DENND4C: variants seen among roughly 807,000 people sequenced by gnomAD.
The protein encoded by DENND4C is DENN domain-containing protein 4C.
In DENND4C, 108 loss-of-function variants were observed where a neutral mutation model predicts 203.0. The observed-to-expected ratio is 0.53, with a 90% CI of 0.46 to 0.62. The LOEUF (loss-of-function observed/expected upper bound fraction) is 0.62, where lower values mean the gene tolerates loss of function less well. Among genes scored for constraint, DENND4C ranks in the 20% least tolerant of loss-of-function variants. The probability of loss-of-function intolerance (pLI) is 0.00; values close to 1 mark genes in which losing one functional copy is unlikely to be tolerated. For synonymous variants in DENND4C, 871 were observed against 792.4 expected, an observed-to-expected ratio of 1.10 and a Z score of -1.67; for missense variants, 2,481 against 2,301.2, an observed-to-expected ratio of 1.08 and a Z score of -1.60.
chr9:19,362,137 G>T (rs1826628138), intron 30 of DENND4C, among the ~76,000 whole-genome samples, 174 bp downstream of exon 30: 1 of 152,052 alleles, frequency 6.6e-6, no homozygotes, highest in South Asian at 2.1e-4. Flanking sequence ...AGCCAGGTGT[G>T]GTAGCAGGTG....
At chr9:19,326,893 G>A (rs145930487) in intron 15 of DENND4C, among the ~76,000 whole-genome samples, 306 of 152,106 alleles carry the variant, frequency 2.0e-3, no homozygotes, top group African/African-American at 6.9e-3. Flanking sequence ...TGACCACATT[G>A]TATGCATTTA....
At chr9:19,342,859 T>C (rs1821960554) in intron 22 of DENND4C, 80 bp downstream of exon 22, 2 of 1,218,840 alleles carry the variant, frequency 1.6e-6, no homozygotes, top group South Asian at 5.3e-5. Flanking sequence ...ACATTAAATT[T>C]TTGACTTAAT....
At position 19,374,038 on chromosome 9, in the gene DENND4C, C is replaced by T. The variant is rs1340886935; in HGVS notation, c.*1865C>T. 1.3e-5 allele frequency among the ~76,000 whole-genome samples: 2 copies of T among 152,116 alleles called. No homozygotes were observed. Among genetic ancestry groups the T allele is most frequent in the African/African-American group, 2.4e-5 (1 of 41,430 alleles). Reference sequence around the variant, plus strand: ...TATTTTTGCAACTCAAGACTTGGTACTAGTTTTAATACTTAACACTTACTG... The same window carrying T: ...TATTTTTGCAACTCAAGACTTGGTATTAGTTTTAATACTTAACACTTACTG... On this transcript the variant is annotated 3_prime_UTR_variant, in exon 33 of 33. Coordinates refer to ENST00000434457, the MANE Select transcript of DENND4C (RefSeq NM_001330640.2).
At position 19,322,426 on chromosome 9, in the gene DENND4C, C is replaced by T. The variant is rs537894450; in HGVS notation, c.1808-1936C>T. ...GATATAGCATGGAATCAGTATTGGA[C>T]GGAGAAAGAAGTGAAGATGGGAGGA... On this transcript the variant is annotated intron_variant, in intron 12 of 32. Coordinates refer to ENST00000434457, the MANE Select transcript of DENND4C (RefSeq NM_001330640.2). Among the ~76,000 whole-genome samples, 15 of 152,074 alleles carry T rather than the reference C, an allele frequency of 9.9e-5. 1 individual carries two copies. The highest frequency in any genetic ancestry group is 8.5e-4 in the Admixed American group (13 of 15,268).
In DENND4C at chr9:19,338,078, G is replaced by C. The variant is rs2803123; in HGVS notation, c.2881+1246G>C. ...TAATTACAGGAGCATGTGTAAATTT[G>C]AAAGTCAACATAAAGCTACAGGTTA... On this transcript the variant is annotated intron_variant, in intron 20 of 32. Transcript: ENST00000434457. Among the ~76,000 whole-genome samples the C allele has an allele frequency of 4.5e-3, 686 of 152,132 alleles. 5 individuals are homozygous for C. The highest frequency in any genetic ancestry group is 0.016 in the African/African-American group (651 of 41,492).
In DENND4C at chr9:19,370,107, A is replaced by G. The variant is rs762503911; in HGVS notation, c.5675+120A>G. 123 of 1,206,830 alleles carry G rather than the reference A, an allele frequency of 1.0e-4. 1 individual carries two copies. In the Admixed American group the frequency reaches 1.8e-3, roughly 18 times the overall value. The allele number at this position is 1,206,830 out of a possible 1,614,324, so 74.8% of individuals were successfully genotyped here. A position where few individuals can be genotyped will look rare whatever the true frequency, so the allele number is the denominator to read the frequency against. ...AACACATACTCATTGCAAAACATCT[A>G]TTGTTTTAAGTGCTACACAGATATA... On this transcript the variant is annotated intron_variant, in intron 31 of 32. Transcript: ENST00000434457.
At chr9:19,333,699 C>T (rs1588941293) in intron 17 of DENND4C, among the ~76,000 whole-genome samples, 1 of 152,144 alleles carries the variant, frequency 6.6e-6, no homozygotes, top group African/African-American at 2.4e-5. Context: ...CTCTCTCAAG[C>T]CTTAGAAACC....
intron 10 of DENND4C, among the ~76,000 whole-genome samples, chr9:19,306,990 T>G (rs141072949): frequency 0.036 from 5,517 of 151,994 alleles, 335 homozygotes; most frequent in African/African-American, 0.13. Flanking sequence ...TACCATGTTG[T>G]CCAGGCTGGT....
intron 10 of DENND4C, among the ~76,000 whole-genome samples, chr9:19,313,331 T>G (rs1357110521): frequency 6.6e-6 from 1 of 152,186 alleles, no homozygotes; most frequent in Non-Finnish European, 1.5e-5. Context: ...TTAGATGAAA[T>G]GTAGTTCATC....
chr9:19,249,220 CCT>C lies in DENND4C; in HGVS notation c.-18+18388_-18+18389del, dbSNP rs1825971983. Among the ~76,000 whole-genome samples, 8 of 151,802 alleles carry C rather than the reference CCT, an allele frequency of 5.3e-5. 1 individual carries two copies. The South Asian group carries it at 1.7e-3, about 32-fold the overall frequency. ...CAGCATTTAAAACGATGTTTGAGAC[CCT>C]GTCATAAGTTATTAATATACCAGTA... is the stretch of plus-strand genomic sequence containing the variant. On this transcript the variant is annotated intron_variant, in intron 1 of 32. Transcript: ENST00000434457.
intron 5 of DENND4C, among the ~76,000 whole-genome samples, chr9:19,294,759 C>T (rs1445910510): frequency 6.6e-6 from 1 of 152,148 alleles, no homozygotes; most frequent in Admixed American, 6.5e-5. Context: ...ATCTTAAAAA[C>T]ATTATTCTAA....
chr9:19,269,319 C>G (rs1234696117), intron 1 of DENND4C, among the ~76,000 whole-genome samples: 1 of 152,044 alleles, frequency 6.6e-6, no homozygotes, highest in Admixed American at 6.6e-5. Flanking sequence ...CGCTACCATG[C>G]CCGGCTAATT....
chr9:19,368,586 C>T (rs1828164274), intron 30 of DENND4C, among the ~76,000 whole-genome samples: 1 of 152,024 alleles, frequency 6.6e-6, no homozygotes, highest in Admixed American at 6.6e-5. Flanking sequence ...CACTTGGGAC[C>T]AGGAGTTTGA....
intron 22 of DENND4C, among the ~76,000 whole-genome samples, chr9:19,343,876 T>A (rs986422490): frequency 1.3e-4 from 20 of 152,270 alleles, no homozygotes; most frequent in Middle Eastern, 3.4e-3. Flanking sequence ...AAATTTTTTT[T>A]AAAAAACATT....
At chr9:19,357,194 T>C in intron 27 of DENND4C, 40 bp downstream of exon 27, 2 of 1,602,176 alleles carry the variant, frequency 1.2e-6, no homozygotes, top group South Asian at 2.2e-5. Context: ...TAGTAATAAA[T>C]GGGGTACCCT....
chr9:19,335,314 A>G (rs1037416483), intron 18 of DENND4C, among the ~76,000 whole-genome samples: 2 of 152,184 alleles, frequency 1.3e-5, no homozygotes, highest in African/African-American at 2.4e-5. Flanking sequence ...GAATGGCTCA[A>G]TCGAGCTATT....
intron 5 of DENND4C, chr9:19,292,424 A>G (rs777666838): frequency 6.6e-6 from 1 of 152,150 alleles, no homozygotes; most frequent in African/African-American, 2.4e-5. Context: ...TGTAAAACAT[A>G]TATTGTATAT....
At chr9:19,309,036 G>T (rs1840242959) in intron 10 of DENND4C, among the ~76,000 whole-genome samples, 1 of 152,200 alleles carries the variant, frequency 6.6e-6, no homozygotes, top group Admixed American at 6.5e-5. Context: ...GTAGAAAGTA[G>T]ATTGATTAGT....
In DENND4C at chr9:19,271,201, C is replaced by CTTT. The variant is rs34513200; in HGVS notation, c.-17-4941_-17-4939dup. Among the ~76,000 whole-genome samples, 614 of 129,054 alleles carry CTTT rather than the reference C, an allele frequency of 4.8e-3. 11 individuals carry two copies. Among genetic ancestry groups the CTTT allele is most frequent in the African/African-American group, 0.017 (573 of 34,480 alleles). 84.7% of individuals were successfully genotyped at this position (129,054 alleles called of 152,430 possible). A position where few individuals can be genotyped will look rare whatever the true frequency, so the allele number is the denominator to read the frequency against. On this transcript the variant is annotated intron_variant, in intron 1 of 32. Transcript: ENST00000434457. Reference sequence around the variant, plus strand: ...TTTTAGGTAAAAATTAATATGGATTCTTTTTTTTTTTTTTTTTTGAGACAG... The same window carrying CTTT: ...TTTTAGGTAAAAATTAATATGGATTCTTTTTTTTTTTTTTTTTTTTTGAGACAG...
Sources: allele counts gnomAD v4.1 joint callset (sites outside exome capture counted in the v4.1 genomes callset), GRCh38; gene constraint gnomAD v4.1.1; transcripts MANE v1.5; gene names NCBI Gene and HGNC (gene_info 2026-07-23, HGNC 2026-07-21).